The following TTI1 variants were observed in gnomAD, a reference collection of about 807,000 sequenced individuals.
TTI1 encodes TELO2 interacting protein 1.
A neutral mutation model predicts 85.4 loss-of-function variants in TTI1; 52 were observed. The observed-to-expected ratio is 0.61, with a 90% CI of 0.49 to 0.77. The LOEUF is 0.77. Ranked by LOEUF, TTI1 falls within the 30% of genes least tolerant of loss-of-function variation. TTI1 has a pLI of 0.00. For missense variants in TTI1, 1,173 were observed against 1,296.0 expected, an observed-to-expected ratio of 0.91 and a Z score of 1.46; for synonymous variants, 512 against 503.9, an observed-to-expected ratio of 1.02 and a Z score of -0.22.
rs139223057 is a variant in TTI1 at position 38,004,226 on chromosome 20, G to T, written c.2504-1450C>A. ...TTTGTAAACGGAAACATCACCACAA[G>T]ATTTGAGAATTGCATGAAACCCAGG... On this transcript the variant is annotated intron_variant, in intron 3 of 7. Coordinates refer to ENST00000373447, the MANE Select transcript of TTI1 (RefSeq NM_001303457.2). 8.0e-3 allele frequency among the ~76,000 whole-genome samples: 1,216 copies of T among 152,278 alleles called. 6 individuals are homozygous for T. Among genetic ancestry groups the T allele is most frequent in the African/African-American group, 0.023 (950 of 41,548 alleles).
chr20:38,033,293 C>T (rs1375541630), intron 1 of TTI1, 111 bp downstream of exon 1: 1 of 152,314 alleles, frequency 6.6e-6, no homozygotes, highest in Non-Finnish European at 1.5e-5. Flanking sequence ...GAAAGGAAAT[C>T]CCCCTCCCAT....
At chr20:37,988,384 T>C (rs2073220353) in intron 7 of TTI1, among the ~76,000 whole-genome samples, 1 of 152,228 alleles carries the variant, frequency 6.6e-6, no homozygotes, top group Non-Finnish European at 1.5e-5. Flanking sequence ...CCCTCTGCTC[T>C]GCTGCAGGAG....
chr20:37,993,551 C>A (rs545006539), intron 7 of TTI1, among the ~76,000 whole-genome samples: 1 of 152,298 alleles, frequency 6.6e-6, no homozygotes, highest in South Asian at 2.1e-4. Flanking sequence ...TCGATGAAGG[C>A]GCCCCTTGGA....
chr20:37,988,196 G>A (rs2073217438), intron 7 of TTI1, among the ~76,000 whole-genome samples: 1 of 152,204 alleles, frequency 6.6e-6, no homozygotes, highest in South Asian at 2.1e-4. Flanking sequence ...TGATGTGCGG[G>A]TGGCACCAGG....
chr20:37,996,620 A>G, intron 6 of TTI1, 129 bp downstream of exon 6: 1 of 1,394,554 alleles, frequency 7.2e-7, no homozygotes, highest in Non-Finnish European at 9.9e-7. Context: ...TGGACAAATG[A>G]GGCCAAAATA....
intron 6 of TTI1, 58 bp downstream of exon 6, chr20:37,996,691 G>A: frequency 6.4e-7 from 1 of 1,552,478 alleles, no homozygotes; most frequent in Non-Finnish European, 8.8e-7. Flanking sequence ...AGGGCATGAT[G>A]GCAGGGGTGA....
chr20:37,983,269 AAT>A lies in TTI1; in HGVS notation c.*185_*186del. On this transcript the variant is annotated 3_prime_UTR_variant, in exon 8 of 8. Coordinates refer to ENST00000373447, the MANE Select transcript of TTI1 (RefSeq NM_001303457.2). ...ACAACACAAGGTATGAAACATAAAT[AAT>A]AGTCAGCTACTTTCCTTCAATCCAT... 1 of 603,628 alleles carries A rather than the reference AAT, an allele frequency of 1.7e-6. No individual in the cohort carries two copies. The highest frequency in any genetic ancestry group is 2.8e-6 in the Non-Finnish European group (1 of 353,890). The allele number at this position is 603,628 out of a possible 1,614,324, so 37.4% of individuals were successfully genotyped here. A position where few individuals can be genotyped will look rare whatever the true frequency, so the allele number is the denominator to read the frequency against.
At chr20:38,001,151 A>G (rs2073420500) in intron 4 of TTI1, among the ~76,000 whole-genome samples, 1 of 152,170 alleles carries the variant, frequency 6.6e-6, no homozygotes, top group Admixed American at 6.5e-5. Flanking sequence ...TCCCCTCTAC[A>G]CATCCTCTGC....
At chr20:37,985,119 A>G (rs1002534935) in intron 7 of TTI1, among the ~76,000 whole-genome samples, 5 of 152,200 alleles carry the variant, frequency 3.3e-5, no homozygotes, top group African/African-American at 4.8e-5. Flanking sequence ...GGCTTTGGGA[A>G]ATTATTCAGC....
At position 38,020,310 on chromosome 20, in the gene TTI1, G is replaced by GAAAA. The variant is rs772839935; in HGVS notation, c.-41-6457_-41-6454dup. On this transcript the variant is annotated intron_variant, in intron 1 of 7. Coordinates refer to ENST00000373447, the MANE Select transcript of TTI1 (RefSeq NM_001303457.2). ...TGCTATGTCACTTGGCTACTCATATGAAAAAAAAAAAAAATATATATATAT... is the reference window on the plus strand; with the variant it reads ...TGCTATGTCACTTGGCTACTCATATGAAAAAAAAAAAAAAAAAATATATATATAT... Among the ~76,000 whole-genome samples, 116 of 48,240 alleles carry GAAAA rather than the reference G, an allele frequency of 2.4e-3. 5 individuals are homozygous for GAAAA. Among genetic ancestry groups the GAAAA allele is most frequent in the African/African-American group, 4.6e-3 (43 of 9,416 alleles). The allele number at this position is 48,240 out of a possible 152,430, so 31.6% of individuals were successfully genotyped here. A position where few individuals can be genotyped will look rare whatever the true frequency, so the allele number is the denominator to read the frequency against.
At chr20:38,030,004 C>T (rs1568634626) in intron 1 of TTI1, among the ~76,000 whole-genome samples, 2 of 152,076 alleles carry the variant, frequency 1.3e-5, no homozygotes, top group African/African-American at 4.8e-5. Flanking sequence ...ATAAATTACC[C>T]AGTTTCAGGT....
At chr20:38,018,359 T>G (rs1030605188) in intron 1 of TTI1, among the ~76,000 whole-genome samples, 2 of 152,114 alleles carry the variant, frequency 1.3e-5, no homozygotes, top group Admixed American at 6.5e-5. Context: ...ATATAAGATA[T>G]TAACAGTAAA....
chr20:38,004,461 A>G (rs1416117120), intron 3 of TTI1, among the ~76,000 whole-genome samples: 1 of 152,218 alleles, frequency 6.6e-6, no homozygotes, highest in African/African-American at 2.4e-5. Context: ...ATTAAAATGC[A>G]TTTGTAGAAT....
At chr20:37,987,343 TG>T in intron 7 of TTI1, 1 of 456,780 alleles carries the variant, frequency 2.2e-6, no homozygotes, top group Non-Finnish European at 4.4e-6. Context: ...TTGAAGTGAC[TG>T]GGGTAACTGC....
At chr20:38,009,852 T>C (rs1432724525) in intron 2 of TTI1, among the ~76,000 whole-genome samples, 1 of 152,170 alleles carries the variant, frequency 6.6e-6, no homozygotes, top group African/African-American at 2.4e-5. Flanking sequence ...TTGATGGGCC[T>C]TTCTCATCCT....
chr20:37,990,856 C>T (rs6022257), intron 7 of TTI1, among the ~76,000 whole-genome samples: 41,647 of 152,066 alleles, frequency 0.27, 7,263 homozygotes, highest in African/African-American at 0.51. Flanking sequence ...GCTTTCCTAC[C>T]GGGTGGTAAG....
At position 38,013,056 on chromosome 20, in the gene TTI1, C is replaced by G; in HGVS notation, c.761G>C (p.Arg254Thr). The G allele has an allele frequency of 6.2e-7, 1 of 1,614,162 alleles. No homozygotes were observed. The change falls in exon 2 of 8, where the codon AGA becomes ACA. Residue 254 changes from arginine to threonine, a missense_variant. By Grantham distance (71) the Arg-to-Thr change is moderately conservative. Transcript: ENST00000373447. ...SFIMADEQLK[R>T]ISKVQAKPAV... is the part of the protein sequence containing the mutation. ...AGGTTTTGCTTGGACCTTTGAGATTCTTTTGAGCTGTTCATCAGCCATAAT... is the reference window on the plus strand; with the variant it reads ...AGGTTTTGCTTGGACCTTTGAGATTGTTTTGAGCTGTTCATCAGCCATAAT...
intron 4 of TTI1, 70 bp downstream of exon 4, chr20:38,002,558 A>G: frequency 1.9e-6 from 3 of 1,583,844 alleles, no homozygotes; most frequent in Non-Finnish European, 2.6e-6. Context: ...TCATCCGTGT[A>G]GCCACTGCCA....
chr20:37,985,331 A>T (rs1375316876), intron 7 of TTI1, among the ~76,000 whole-genome samples: 2 of 152,214 alleles, frequency 1.3e-5, no homozygotes, highest in Admixed American at 1.3e-4. Flanking sequence ...ACTGCTGGGC[A>T]TTAAATAGGA....
Sources: gnomAD v4.1 joint callset for allele counts (sites outside exome capture counted in the v4.1 genomes callset) on GRCh38, gnomAD v4.1.1 for gene constraint, MANE v1.5 for transcripts, NCBI Gene and HGNC (gene_info 2026-07-23, HGNC 2026-07-21) for gene names.